SMC2: variants seen among roughly 807,000 people sequenced by gnomAD.
SMC2 encodes the protein structural maintenance of chromosomes protein 2.
Under a neutral mutation model 142.6 loss-of-function variants are expected in SMC2, and 41 were observed. The ratio of observed to expected loss-of-function variants is 0.29; its 90% CI spans 0.22 to 0.37. SMC2 has a LOEUF of 0.37. Among genes scored for constraint, SMC2 ranks in the 10% least tolerant of loss-of-function variants. The pLI, the probability that SMC2 is intolerant of heterozygous loss-of-function variation, is 1.00. For synonymous variants in SMC2, 463 were observed against 457.5 expected, an observed-to-expected ratio of 1.01 and a Z score of -0.15; for missense variants, 1,265 against 1,373.7, an observed-to-expected ratio of 0.92 and a Z score of 1.25.
chr9:104,128,717 TAGA>T (rs1302026590), intron 20 of SMC2, among the ~76,000 whole-genome samples: 4 of 152,244 alleles, frequency 2.6e-5, no homozygotes, highest in African/African-American at 9.6e-5. Context: ...ATAATTCTAG[TAGA>T]AGAAAGTCTT....
intron 16 of SMC2, among the ~76,000 whole-genome samples, chr9:104,120,697 G>C (rs1199816996): frequency 6.6e-6 from 1 of 152,156 alleles, no homozygotes; most frequent in African/African-American, 2.4e-5. Context: ...TGTAGGTATG[G>C]ATAAGATATG....
At chr9:104,134,649 A>G (rs1749617383) in intron 23 of SMC2, 74 bp downstream of exon 23, 2 of 1,074,546 alleles carry the variant, frequency 1.9e-6, no homozygotes, top group Non-Finnish European at 2.6e-6. Context: ...TTAAAACTGT[A>G]TTTGTGTTTT....
intron 17 of SMC2, among the ~76,000 whole-genome samples, chr9:104,123,700 CCTAATTTCCTGTAGGTTATGTG>C (rs1325492434): frequency 6.6e-6 from 1 of 152,086 alleles, no homozygotes; most frequent in Non-Finnish European, 1.5e-5. Context: ...GCTTAAGAGT[CCTAATTTCCTGTAGGTTATGTG>C]CATTGCAAAT....
In SMC2 at chr9:104,099,627, T is replaced by G; in HGVS notation, c.442-17T>G. 1 of 1,514,228 alleles carries G rather than the reference T, an allele frequency of 6.6e-7. No individual in the cohort carries two copies. The highest frequency in any genetic ancestry group is 9.2e-7 in the Non-Finnish European group (1 of 1,090,176). The allele number at this position is 1,514,228 out of a possible 1,614,324, so 93.8% of individuals were successfully genotyped here. A position where few individuals can be genotyped will look rare whatever the true frequency, so the allele number is the denominator to read the frequency against. On this transcript the variant is annotated splice_polypyrimidine_tract_variant and intron_variant, in intron 4 of 24. Coordinates refer to ENST00000374793, the MANE Select transcript of SMC2 (RefSeq NM_006444.3). ...CTGTAATTTGTTATCTTAGTAAGTTTGCTATTTTATTTTCAGGGCCGAATT... is the reference window on the plus strand; with the variant it reads ...CTGTAATTTGTTATCTTAGTAAGTTGGCTATTTTATTTTCAGGGCCGAATT...
chr9:104,127,207 C>A, intron 19 of SMC2, 79 bp from the exon 20 acceptor site: 2 of 1,123,964 alleles, frequency 1.8e-6, no homozygotes, highest in Non-Finnish European at 2.5e-6. Context: ...GCCCAGGGAT[C>A]TGTCAGATAA....
chr9:104,139,342 C>T lies in SMC2; in HGVS notation c.*27C>T. On this transcript the variant is annotated 3_prime_UTR_variant, in exon 25 of 25. Transcript: ENST00000374793. The stretch of plus-strand genomic sequence containing the variant: ...CTACAAAGTTATTTCTTCATCTTGA[C>T]CTGTTTTTTTAAATGTAAACTTTTA... 6.5e-7 allele frequency: 1 copy of T among 1,541,506 alleles called. No homozygotes were observed. Among genetic ancestry groups the T allele is most frequent in the Non-Finnish European group, 8.7e-7 (1 of 1,152,854 alleles).
chr9:104,123,748 T>C (rs2131478446), intron 17 of SMC2, among the ~76,000 whole-genome samples: 1 of 152,232 alleles, frequency 6.6e-6, no homozygotes, highest in East Asian at 1.9e-4. Context: ...TTTACCATCT[T>C]TTTTGGCTAT....
intron 20 of SMC2, among the ~76,000 whole-genome samples, chr9:104,127,887 A>G (rs919446999): frequency 1.3e-5 from 2 of 152,220 alleles, no homozygotes; most frequent in Non-Finnish European, 2.9e-5. Flanking sequence ...AAAGGACTGA[A>G]TTGGCTTCCA....
chr9:104,098,072 A>G (rs1830658158), intron 3 of SMC2, among the ~76,000 whole-genome samples: 1 of 152,228 alleles, frequency 6.6e-6, no homozygotes, highest in Non-Finnish European at 1.5e-5. Flanking sequence ...TTTGTCTGAC[A>G]TCTATTCCTG....
At chr9:104,122,396 T>C (rs1319175310) in intron 16 of SMC2, among the ~76,000 whole-genome samples, 3 of 152,128 alleles carry the variant, frequency 2.0e-5, no homozygotes, top group Non-Finnish European at 4.4e-5. Flanking sequence ...GAAGTTAAAA[T>C]TATTGTTTTA....
upstream of SMC2, among the ~76,000 whole-genome samples, chr9:104,090,915 A>G (rs1829974412): frequency 6.6e-6 from 1 of 152,266 alleles, no homozygotes; most frequent in African/African-American, 2.4e-5. Flanking sequence ...TAATGAAAGA[A>G]GAGGCAGAAT....
chr9:104,088,549 T>G, the SMC2 span, among the ~76,000 whole-genome samples: 1 of 152,114 alleles, frequency 6.6e-6, no homozygotes, highest in South Asian at 2.1e-4. Flanking sequence ...AAAGGGCATT[T>G]CAAGTTCACC....
At position 104,095,213 on chromosome 9, in the gene SMC2, G is replaced by T. The variant is rs1044677176; in HGVS notation, c.-61-111G>T. On this transcript the variant is annotated intron_variant, in intron 1 of 24. Coordinates refer to ENST00000374793, the MANE Select transcript of SMC2 (RefSeq NM_006444.3). ...GTCTTTACATCAGACAAGATAGTTT[G>T]TCAAGTGGCTGTTTTATTTCTATCA... The T allele has an allele frequency of 2.5e-5, 14 of 563,214 alleles. No individual in the cohort carries two copies. The East Asian group carries it at 4.0e-4, about 16-fold the overall frequency. The allele number at this position is 563,214 out of a possible 1,614,324, so 34.9% of individuals were successfully genotyped here.
intron 22 of SMC2, among the ~76,000 whole-genome samples, chr9:104,132,340 A>T (rs1237045121): frequency 6.6e-6 from 1 of 152,268 alleles, no homozygotes; most frequent in South Asian, 2.1e-4. Context: ...TAAGAATTGG[A>T]TAGTAAACAA....
the SMC2 span, among the ~76,000 whole-genome samples, chr9:104,089,136 A>G: frequency 6.6e-6 from 1 of 152,168 alleles, no homozygotes; most frequent in Non-Finnish European, 1.5e-5. Flanking sequence ...ATATAGAGGG[A>G]AGAGGTACCA....
intron 9 of SMC2, among the ~76,000 whole-genome samples, chr9:104,108,679 C>T (rs1832089729): frequency 6.6e-6 from 1 of 152,190 alleles, no homozygotes; most frequent in Non-Finnish European, 1.5e-5. Context: ...CACTAGTTAC[C>T]AACCTGTCAG....
chr9:104,102,272 C>G, intron 8 of SMC2, 79 bp downstream of exon 8: 2 of 1,049,148 alleles, frequency 1.9e-6, no homozygotes, highest in Non-Finnish European at 1.4e-6. Context: ...ATTTAGGATT[C>G]ATTGGGCATT....
At position 104,139,929 on chromosome 9, in the gene SMC2, T is replaced by C. The variant is rs1423756367; in HGVS notation, c.*614T>C. The C allele has an allele frequency of 6.6e-6, 1 of 151,706 alleles. No homozygotes were observed. Among genetic ancestry groups the C allele is most frequent in the Non-Finnish European group, 1.5e-5 (1 of 67,966 alleles). 9.4% of individuals were successfully genotyped at this position (151,706 alleles called of 1,614,324 possible). ...TCCTATACGCTTAATAATTGGTCTC[T>C]ACGTTTTAATGATACATGAATATCA... On this transcript the variant is annotated 3_prime_UTR_variant, in exon 25 of 25. Coordinates refer to ENST00000374793, the MANE Select transcript of SMC2 (RefSeq NM_006444.3).
chr9:104,133,929 AAAAAG>A (rs1179945584), intron 22 of SMC2, among the ~76,000 whole-genome samples: 4 of 152,148 alleles, frequency 2.6e-5, no homozygotes, highest in Non-Finnish European at 5.9e-5. Context: ...GGACAACAGG[AAAAAG>A]AAAAGTTTTA....
Sources: allele counts gnomAD v4.1 joint callset (sites outside exome capture counted in the v4.1 genomes callset), GRCh38; gene constraint gnomAD v4.1.1; transcripts MANE v1.5; gene names NCBI Gene and HGNC (gene_info 2026-07-23, HGNC 2026-07-21).